The following PRKN variants were observed in gnomAD, a reference collection of about 807,000 sequenced individuals.
The protein encoded by PRKN is parkin RBR E3 ubiquitin protein ligase.
A neutral mutation model predicts 59.5 loss-of-function variants in PRKN; 56 were observed. The ratio of observed to expected loss-of-function variants is 0.94; its 90% CI spans 0.76 to 1.18. PRKN has a LOEUF of 1.18. Ranked by LOEUF, PRKN falls within the 50% of genes most tolerant of loss-of-function variation. The pLI is 0.00. For synonymous variants in PRKN, 250 were observed against 222.1 expected, an observed-to-expected ratio of 1.13 and a Z score of -1.12; for missense variants, 657 against 596.4, an observed-to-expected ratio of 1.10 and a Z score of -1.06.
At chr6:161,957,012 C>G (rs986879572) in intron 6 of PRKN, among the ~76,000 whole-genome samples, 1 of 152,182 alleles carries the variant, frequency 6.6e-6, no homozygotes, top group Admixed American at 6.5e-5. Flanking sequence ...TGGGAACCTC[C>G]GAGTCTTCAG....
intron 2 of PRKN, among the ~76,000 whole-genome samples, chr6:162,374,518 TTA>T (rs995650751): frequency 1.4e-4 from 22 of 151,976 alleles, no homozygotes; most frequent in Admixed American, 5.2e-4. Flanking sequence ...TCTTATAATT[TTA>T]TGTTTTATTT....
chr6:161,536,235 G>A (rs2115396947), intron 9 of PRKN, among the ~76,000 whole-genome samples: 1 of 152,112 alleles, frequency 6.6e-6, no homozygotes, highest in South Asian at 2.1e-4. Context: ...CCCATGACAG[G>A]CAGTCCAACC....
intron 1 of PRKN, among the ~76,000 whole-genome samples, chr6:162,521,821 C>A (rs1778089143): frequency 6.6e-6 from 1 of 152,038 alleles, no homozygotes. Context: ...TCACAGCTTA[C>A]TTAATAAAAG....
intron 6 of PRKN, among the ~76,000 whole-genome samples, chr6:161,959,852 C>T (rs577465898): frequency 2.0e-5 from 3 of 152,124 alleles, no homozygotes; most frequent in South Asian, 2.1e-4. Context: ...CAGGAATTAA[C>T]CAAATTTAGG....
At chr6:162,103,834 CA>C (rs1780078410) in intron 4 of PRKN, among the ~76,000 whole-genome samples, 2 of 152,166 alleles carry the variant, frequency 1.3e-5, no homozygotes, top group Non-Finnish European at 2.9e-5. Flanking sequence ...ATGCCTCTGC[CA>C]GCTGCCTCCT....
chr6:161,925,900 T>G (rs1778951838), intron 6 of PRKN, among the ~76,000 whole-genome samples: 2 of 152,178 alleles, frequency 1.3e-5, no homozygotes, highest in Non-Finnish European at 2.9e-5. Flanking sequence ...TGCCAGACAC[T>G]GTGCTGAACT....
At chr6:161,795,860 A>T (rs910745299) in intron 6 of PRKN, among the ~76,000 whole-genome samples, 1 of 152,170 alleles carries the variant, frequency 6.6e-6, no homozygotes, top group Admixed American at 6.5e-5. Flanking sequence ...AGATGTGAAA[A>T]CACTTCAGAT....
At chr6:162,357,259 A>G (rs1374027199) in intron 2 of PRKN, among the ~76,000 whole-genome samples, 1 of 152,200 alleles carries the variant, frequency 6.6e-6, no homozygotes, top group Non-Finnish European at 1.5e-5. Context: ...ATATACAAAG[A>G]AGTCTTGCAA....
rs146948035 is a variant in PRKN, at chr6:161,584,896, C to G, written c.872-15480G>C. On this transcript the variant is annotated intron_variant, in intron 7 of 11. Coordinates refer to ENST00000366898, the MANE Select transcript of PRKN (RefSeq NM_004562.3). This position sits in a 1 kb window ranked among gnomAD's most constrained non-coding sequence, Gnocchi z 4.8. ...AATTAAACAGCACAAGCCTGGCTGC[C>G]GGGATGGCTGTATTAGCAATGCAGT... Among the ~76,000 whole-genome samples the G allele has an allele frequency of 6.6e-6, 1 of 152,274 alleles. No homozygotes were observed. Among genetic ancestry groups the G allele is most frequent in the East Asian group, 1.9e-4 (1 of 5,184 alleles).
Position 161,354,781 on chromosome 6 carries a change from C to T in PRKN, c.1286-4570G>A, listed in dbSNP as rs971800486. On this transcript the variant is annotated intron_variant, in intron 11 of 11. Coordinates refer to ENST00000366898, the MANE Select transcript of PRKN (RefSeq NM_004562.3). This position sits in a 1 kb window ranked among gnomAD's most constrained non-coding sequence, Gnocchi z 6.7. Reference sequence around the variant, plus strand: ...TGCACTTTTAAACAGTTTAGGCCATCGCTAATAAGCTTCAAGTCTCAGCTT... The same window carrying T: ...TGCACTTTTAAACAGTTTAGGCCATTGCTAATAAGCTTCAAGTCTCAGCTT... Among the ~76,000 whole-genome samples, 6 of 152,110 alleles carry T rather than the reference C, an allele frequency of 3.9e-5. No individual in the cohort carries two copies. Among genetic ancestry groups the T allele is most frequent in the African/African-American group, 9.7e-5 (4 of 41,422 alleles).
At chr6:161,492,131 G>A (rs916185644) in intron 9 of PRKN, among the ~76,000 whole-genome samples, 2 of 119,458 alleles carry the variant, frequency 1.7e-5, no homozygotes, top group African/African-American at 4.9e-5. Context: ...CACTCTATAA[G>A]TGAAAGCACT....
chr6:161,400,504 C>T lies in PRKN; in HGVS notation c.1084-13627G>A, dbSNP rs561366301. The stretch of plus-strand genomic sequence containing the variant: ...TGTATTTTTAGTAGAGACGGGGTTT[C>T]GCTTTCGCCATATTGGCCAGGCTGG... On this transcript the variant is annotated intron_variant, in intron 9 of 11. Transcript: ENST00000366898. The surrounding 1 kb of genome is among the most constrained non-coding windows in gnomAD (Gnocchi z 4.2). Among the ~76,000 whole-genome samples the T allele has an allele frequency of 2.4e-4, 37 of 151,908 alleles. No homozygotes were observed. Among genetic ancestry groups the T allele is most frequent in the Non-Finnish European group, 5.1e-4 (35 of 67,990 alleles).
chr6:162,705,432 T>C (rs1778304925), intron 1 of PRKN, among the ~76,000 whole-genome samples: 1 of 152,286 alleles, frequency 6.6e-6, no homozygotes, highest in East Asian at 1.9e-4. Context: ...AGGAATCTGG[T>C]AGAGCTTCTG....
Position 161,355,973 on chromosome 6 carries a change from C to A in PRKN, c.1285+4115G>T, listed in dbSNP as rs1045660667. Among the ~76,000 whole-genome samples, 2 of 152,148 alleles carry A rather than the reference C, an allele frequency of 1.3e-5. No homozygotes were observed. The highest frequency in any genetic ancestry group is 3.9e-4 in the East Asian group (2 of 5,182). On this transcript the variant is annotated intron_variant, in intron 11 of 11. Transcript: ENST00000366898. This position sits in a 1 kb window ranked among gnomAD's most constrained non-coding sequence, Gnocchi z 6.8. ...GAGGGCAGACTGGGCAGAGGAGAAG[C>A]CCAGCTCGGGCACAGCCTAAGAGGC...
chr6:161,472,694 C>A (rs562918646), intron 9 of PRKN, among the ~76,000 whole-genome samples: 1 of 151,988 alleles, frequency 6.6e-6, no homozygotes, highest in Non-Finnish European at 1.5e-5. Flanking sequence ...AAGGAAGCAA[C>A]GAACAGAATC....
intron 6 of PRKN, among the ~76,000 whole-genome samples, chr6:161,879,128 G>A (rs545008201): frequency 9.2e-5 from 14 of 152,114 alleles, no homozygotes; most frequent in South Asian, 6.2e-4. Context: ...GCGATTCTCC[G>A]TTAAGTTAGG....
At chr6:161,877,606 C>T (rs1794780410) in intron 6 of PRKN, among the ~76,000 whole-genome samples, 1 of 151,700 alleles carries the variant, frequency 6.6e-6, no homozygotes. Flanking sequence ...ACTACAGGTG[C>T]CCGCCACCAA....
chr6:161,663,769 A>G (rs180983489), intron 7 of PRKN, among the ~76,000 whole-genome samples: 1 of 152,214 alleles, frequency 6.6e-6, no homozygotes, highest in East Asian at 1.9e-4. Context: ...TTCTCCCTCC[A>G]TTCTTCCCTT....
chr6:162,715,165 G>A (rs1488354807), intron 1 of PRKN, among the ~76,000 whole-genome samples: 1 of 151,994 alleles, frequency 6.6e-6, no homozygotes, highest in Non-Finnish European at 1.5e-5. Context: ...GCTAGGCTAG[G>A]AGCCCCAAAG....
Sources: allele counts gnomAD v4.1 joint callset (sites outside exome capture counted in the v4.1 genomes callset), GRCh38; gene constraint gnomAD v4.1.1; non-coding constraint Gnocchi (gnomAD v3.1); transcripts MANE v1.5; gene names NCBI Gene and HGNC (gene_info 2026-07-23, HGNC 2026-07-21).